The following ADGRV1 variants were observed in gnomAD, a reference collection of about 807,000 sequenced individuals.
ADGRV1 encodes the protein G-protein coupled receptor 98.
In ADGRV1, 359 loss-of-function variants were observed where a neutral mutation model predicts 596.2. The observed-to-expected ratio is 0.60, with a 90% CI of 0.55 to 0.66. The LOEUF is 0.66. ADGRV1 is among the 30% of genes least tolerant of loss of function. ADGRV1 has a pLI of 0.00. For missense variants in ADGRV1, 7,274 were observed against 7,575.6 expected (o/e 0.96, Z 1.48); for synonymous variants, 2,681 against 2,679.2 (o/e 1.00, Z -0.02).
Position 90,658,126 on chromosome 5 carries a change from G to A in ADGRV1, c.4600G>A (p.Asp1534Asn). Residue 1534 changes from aspartate (D) to asparagine (N), a missense_variant, in exon 21 of 90, where the codon GAC becomes AAC. By Grantham distance (23) the Asp-to-Asn change is conservative. Coordinates refer to ENST00000405460, the MANE Select transcript of ADGRV1 (RefSeq NM_032119.4). The part of the protein sequence containing the change: ...SFIISARDDN[D>N]EEGEELFILK... ...CATTATTTCTGCAAGAGATGACAAT[G>A]ACGAGGAAGGAGAAGAATTATTCAT... 1 of 1,613,752 alleles carries A rather than the reference G, an allele frequency of 6.2e-7. No homozygotes were observed. The highest frequency in any genetic ancestry group is 1.1e-5 in the South Asian group (1 of 91,044).
intron 59 of ADGRV1, among the ~76,000 whole-genome samples, chr5:90,765,948 C>T (rs961151845): frequency 2.0e-5 from 3 of 151,410 alleles, no homozygotes; most frequent in Non-Finnish European, 2.9e-5. Flanking sequence ...CTTGCTCTGT[C>T]ACCCAGGCTG....
intron 85 of ADGRV1, among the ~76,000 whole-genome samples, chr5:91,049,845 T>C (rs1189726815): frequency 1.3e-5 from 2 of 152,210 alleles, no homozygotes; most frequent in Non-Finnish European, 2.9e-5. Context: ...ACTTTAGGGC[T>C]TGAGCATCCT....
chr5:90,851,591 A>G (rs1047597628), intron 79 of ADGRV1, among the ~76,000 whole-genome samples: 4 of 152,196 alleles, frequency 2.6e-5, no homozygotes, highest in Non-Finnish European at 5.9e-5. Context: ...GCCAGGTGGC[A>G]CTGAGGGTCC....
At chr5:91,015,034 C>G (rs1168737089) in intron 85 of ADGRV1, among the ~76,000 whole-genome samples, 1 of 152,036 alleles carries the variant, frequency 6.6e-6, no homozygotes, top group East Asian at 1.9e-4. Flanking sequence ...GAATTTCCCT[C>G]TTAACACTAC....
Position 90,809,047 on chromosome 5 carries a change from C to T in ADGRV1, c.14973-1186C>T, listed in dbSNP as rs1017150599. Among the ~76,000 whole-genome samples, 25 of 150,882 alleles carry T rather than the reference C, an allele frequency of 1.7e-4. 1 individual carries two copies. Among genetic ancestry groups the T allele is most frequent in the African/African-American group, 5.8e-4 (24 of 41,136 alleles). On this transcript the variant is annotated intron_variant, in intron 73 of 89. Transcript: ENST00000405460. ...CTGCAAGCTCCGCCTCCCGGGTTCA[C>T]GCCATTCTCCTGCCTCAGCCTCCCG...
At chr5:90,710,788 G>A (rs1749237381) in intron 39 of ADGRV1, among the ~76,000 whole-genome samples, 193 bp from the exon 40 acceptor site, 1 of 152,080 alleles carries the variant, frequency 6.6e-6, no homozygotes, top group African/African-American at 2.4e-5. Context: ...AGTGGCTCTT[G>A]TTAGCCAAAA....
chr5:91,135,235 T>TA (rs1402586135), intron 87 of ADGRV1, among the ~76,000 whole-genome samples: 1 of 151,834 alleles, frequency 6.6e-6, no homozygotes, highest in Non-Finnish European at 1.5e-5. Context: ...CCTTGTGTAC[T>TA]AAAATTAAAA....
At chr5:91,075,756 G>GA (rs1462149799) in intron 86 of ADGRV1, among the ~76,000 whole-genome samples, 10 of 151,902 alleles carry the variant, frequency 6.6e-5, no homozygotes, top group African/African-American at 2.4e-4. Flanking sequence ...AAAATATAAA[G>GA]TGGATTTTCT....
chr5:90,769,885 C>A (rs1469082534), intron 59 of ADGRV1, among the ~76,000 whole-genome samples: 1 of 152,148 alleles, frequency 6.6e-6, no homozygotes, highest in Non-Finnish European at 1.5e-5. Flanking sequence ...TCCTTTTACT[C>A]TCTACATATT....
At chr5:91,099,511 C>G (rs1791180450) in intron 86 of ADGRV1, among the ~76,000 whole-genome samples, 1 of 152,178 alleles carries the variant, frequency 6.6e-6, no homozygotes, top group African/African-American at 2.4e-5. Context: ...TTGTGGGACA[C>G]TGAGTGAGTT....
chr5:90,592,839 A>G (rs1759702747), intron 1 of ADGRV1, among the ~76,000 whole-genome samples: 1 of 152,254 alleles, frequency 6.6e-6, no homozygotes, highest in Non-Finnish European at 1.5e-5. Flanking sequence ...CAACAGACAC[A>G]TGAAAAAATG....
intron 75 of ADGRV1, among the ~76,000 whole-genome samples, chr5:90,821,744 G>A (rs930837117): frequency 2.0e-5 from 3 of 151,890 alleles, no homozygotes; most frequent in African/African-American, 7.3e-5. Flanking sequence ...CAGGGGTCAG[G>A]CACCCACTTG....
intron 1 of ADGRV1, among the ~76,000 whole-genome samples, chr5:90,605,466 G>A (rs60195623): frequency 0.04 from 6,027 of 151,614 alleles, 349 homozygotes; most frequent in African/African-American, 0.13. Flanking sequence ...TATTAGATCA[G>A]ATATTTACTT....
chr5:90,577,432 TG>T (rs1757379441), intron 1 of ADGRV1, among the ~76,000 whole-genome samples: 1 of 152,188 alleles, frequency 6.6e-6, no homozygotes, highest in Non-Finnish European at 1.5e-5. Flanking sequence ...GTTGCAGATG[TG>T]TGGTGTTATT....
intron 85 of ADGRV1, among the ~76,000 whole-genome samples, chr5:90,986,146 C>T (rs1027269101): frequency 2.0e-5 from 3 of 146,848 alleles, no homozygotes; most frequent in Non-Finnish European, 4.5e-5. Flanking sequence ...ATCCTAAATC[C>T]GGTATGTTGT....
intron 25 of ADGRV1, 46 bp downstream of exon 25, chr5:90,676,255 A>G (rs758090048): frequency 6.4e-7 from 1 of 1,566,626 alleles, no homozygotes; most frequent in East Asian, 2.3e-5. Context: ...TTGTCTACCC[A>G]TGCTGATGAA....
At chr5:90,715,831 A>G (rs1255951631) in intron 42 of ADGRV1, among the ~76,000 whole-genome samples, 5 of 152,200 alleles carry the variant, frequency 3.3e-5, no homozygotes, top group Non-Finnish European at 1.5e-5. Context: ...GAATAATAAT[A>G]TAATCAATAT....
chr5:91,084,181 G>A (rs1433393538), intron 86 of ADGRV1, among the ~76,000 whole-genome samples: 1 of 151,820 alleles, frequency 6.6e-6, no homozygotes, highest in African/African-American at 2.4e-5. Context: ...AGTTGTTCTT[G>A]AAAAATACAA....
chr5:91,070,260 G>C (rs1291865065), intron 85 of ADGRV1, among the ~76,000 whole-genome samples: 1 of 151,964 alleles, frequency 6.6e-6, no homozygotes, highest in Non-Finnish European at 1.5e-5. Flanking sequence ...CTAAAATAAA[G>C]GTTGAAGTTA....
Sources: gnomAD v4.1 joint callset for allele counts (sites outside exome capture counted in the v4.1 genomes callset) on GRCh38, gnomAD v4.1.1 for gene constraint, MANE v1.5 for transcripts, NCBI Gene and HGNC (gene_info 2026-07-23, HGNC 2026-07-21) for gene names.